Variants in CEP89 observed in about 807,000 individuals in gnomAD.
CEP89 encodes centrosomal protein of 89 kDa.
In CEP89, 95 loss-of-function variants were observed where a neutral mutation model predicts 97.6. The ratio of observed to expected loss-of-function variants is 0.97; its 90% confidence interval spans 0.82 to 1.15. CEP89 has a LOEUF of 1.15. CEP89 is among the 50% of genes most tolerant of loss of function. The pLI is 0.00. For synonymous variants in CEP89, 354 were observed against 349.1 expected, an observed-to-expected ratio of 1.01 and a Z score of -0.16; for missense variants, 869 against 947.7, an observed-to-expected ratio of 0.92 and a Z score of 1.09.
chr19:32,907,355 TCTTAAA>T (rs1969908695), intron 14 of CEP89, among the ~76,000 whole-genome samples: 1 of 152,160 alleles, frequency 6.6e-6, no homozygotes, highest in African/African-American at 2.4e-5. Flanking sequence ...TGAGATCATA[TCTTAAA>T]CTAAAAGAAG....
At chr19:32,951,958 C>T (rs1004154290) in intron 4 of CEP89, among the ~76,000 whole-genome samples, 2 of 152,034 alleles carry the variant, frequency 1.3e-5, no homozygotes, top group Admixed American at 6.6e-5. Context: ...AATAACCAGC[C>T]GGCAAGTGTG....
At chr19:32,902,048 G>GTGTGTGTGTGTGTGTGTGTGTGTA (rs1255251867) in intron 14 of CEP89, among the ~76,000 whole-genome samples, 11 of 150,028 alleles carry the variant, frequency 7.3e-5, no homozygotes, top group African/African-American at 2.5e-4. Context: ...GTGTGTGTAT[G>GTGTGTGTGTGTGTGTGTGTGTGTA]TGTGTGTATA....
intron 14 of CEP89, among the ~76,000 whole-genome samples, chr19:32,902,822 G>A (rs886865508): frequency 2.0e-5 from 3 of 152,150 alleles, no homozygotes; most frequent in South Asian, 2.1e-4. Context: ...AGGAAACTGC[G>A]TAAAGCCTAG....
chr19:32,881,931 G>GT lies in CEP89; in HGVS notation c.2047dup (p.Thr683AsnfsTer35). 1 of 1,602,710 alleles carries GT rather than the reference G, an allele frequency of 6.2e-7. No homozygotes were observed. Among genetic ancestry groups the GT allele is most frequent in the East Asian group, 2.2e-5 (1 of 44,602 alleles). On this transcript the variant is annotated frameshift_variant, in exon 18 of 19. Transcript: ENST00000305768. LOFTEE classifies it high-confidence loss of function. ...CCGCATCTCCTGCCGGTACTGGGCT[G>GT]TCTTGCCGGCGAAGTCCTCCTGCTG...
At chr19:32,925,169 T>C (rs1373379234) in intron 11 of CEP89, among the ~76,000 whole-genome samples, 1 of 151,920 alleles carries the variant, frequency 6.6e-6, no homozygotes, top group Non-Finnish European at 1.5e-5. Context: ...CCAACATTTC[T>C]TTCGCTGGAT....
intron 12 of CEP89, among the ~76,000 whole-genome samples, chr19:32,922,024 C>T (rs937373625): frequency 6.6e-6 from 1 of 152,106 alleles, no homozygotes; most frequent in African/African-American, 2.4e-5. Context: ...CTGGATATTG[C>T]TTTTAGGCTT....
chr19:32,919,483 G>A (rs1345095971), intron 12 of CEP89, among the ~76,000 whole-genome samples: 1 of 152,158 alleles, frequency 6.6e-6, no homozygotes, highest in Admixed American at 6.6e-5. Context: ...CTGTAACAAT[G>A]GTGTGGCCCC....
chr19:32,958,174 GA>G (rs35392256), intron 3 of CEP89, among the ~76,000 whole-genome samples: 2,520 of 138,924 alleles, frequency 0.018, 22 homozygotes, highest in Non-Finnish European at 0.026. Flanking sequence ...TGCTTACCAG[GA>G]AAAAAAAAAA....
chr19:32,953,757 G>A lies in CEP89; in HGVS notation c.350C>T (p.Ser117Phe). ...SEMGRRSSLP[S>F]FETLDYGDEE... is the part of the protein sequence containing the mutation. ...GTCCCCATAGTCCAGTGTTTCAAAG[G>A]ATGGCAAAGAAGATCTTCTTCCCAT... The change falls in exon 4 of 19, where the codon TCC becomes TTC. Residue 117 changes from serine to phenylalanine, a missense_variant. Coordinates refer to ENST00000305768, the MANE Select transcript of CEP89 (RefSeq NM_032816.5). 3 of 1,614,034 alleles carry A rather than the reference G, an allele frequency of 1.9e-6. No homozygotes were observed. The highest frequency in any genetic ancestry group is 2.5e-6 in the Non-Finnish European group (3 of 1,179,992).
At position 32,881,886 on chromosome 19, in the gene CEP89, T is replaced by C; in HGVS notation, c.2093A>G (p.Lys698Arg). ...CTGGTCCAGCACCTCCTGCTTGTCC[T>C]TCAGCACCTGGTGCAGGTGCCGCAT... ...QEMRHLHQVL[K>R]DKQEVLDQAL... is the part of the protein sequence containing the mutation. Residue 698 changes from lysine to arginine, a missense_variant, in exon 18 of 19, where the codon AAG (lysine) becomes AGG (arginine). Physicochemically the swap from Lys to Arg is conservative, Grantham distance 26. Coordinates refer to ENST00000305768, the MANE Select transcript of CEP89 (RefSeq NM_032816.5). 6.2e-7 allele frequency: 1 copy of C among 1,606,598 alleles called. No homozygotes were observed. Among genetic ancestry groups the C allele is most frequent in the Non-Finnish European group, 8.5e-7 (1 of 1,179,182 alleles).
chr19:32,950,424 G>A (rs534128035), intron 4 of CEP89, among the ~76,000 whole-genome samples: 185 of 152,196 alleles, frequency 1.2e-3, no homozygotes, highest in South Asian at 4.1e-3. Context: ...CAGGTGTGGT[G>A]GCACATGCCT....
At chr19:32,963,427 A>G (rs1238028858) in intron 2 of CEP89, 1 of 152,198 alleles carries the variant, frequency 6.6e-6, no homozygotes, top group Non-Finnish European at 1.5e-5. Flanking sequence ...CACGCTCATG[A>G]AATGTCCAAA....
At position 32,876,883 on chromosome 19, in the gene CEP89, A is replaced by G. The variant is rs1969186515; in HGVS notation, c.*2279T>C. 6.6e-6 allele frequency: 1 copy of G among 152,294 alleles called. No individual in the cohort carries two copies. Among genetic ancestry groups the G allele is most frequent in the Non-Finnish European group, 1.5e-5 (1 of 68,052 alleles). 9.4% of individuals were successfully genotyped at this position (152,294 alleles called of 1,614,324 possible). A position where few individuals can be genotyped will look rare whatever the true frequency, so the allele number is the denominator to read the frequency against. On this transcript the variant is annotated 3_prime_UTR_variant, in exon 19 of 19. Coordinates refer to ENST00000305768, the MANE Select transcript of CEP89 (RefSeq NM_032816.5). Reference sequence around the variant, plus strand: ...AAACTTAAAGCAGAAACATAAGAACAAAAGTGGACACTTCTCAAAAGAATA... The same window carrying G: ...AAACTTAAAGCAGAAACATAAGAACGAAAGTGGACACTTCTCAAAAGAATA...
intron 14 of CEP89, 34 bp from the exon 15 acceptor site, chr19:32,901,446 G>A (rs745357401): frequency 1.3e-6 from 2 of 1,591,504 alleles, no homozygotes; most frequent in South Asian, 2.3e-5. Flanking sequence ...CTCGTATCCA[G>A]CACAATGAAG....
At chr19:32,879,457 A>C in intron 18 of CEP89, 79 bp from the exon 19 acceptor site, 7 of 1,176,608 alleles carry the variant, frequency 5.9e-6, no homozygotes, top group Non-Finnish European at 8.7e-6. Flanking sequence ...GCAAGAACTC[A>C]AAACAGAAGA....
rs1969185136 is a variant in CEP89 at position 32,876,771 on chromosome 19, T to C, written c.*2391A>G. On this transcript the variant is annotated 3_prime_UTR_variant, in exon 19 of 19. Transcript: ENST00000305768. ...ACCCAGCAGGAGGCTGGGCAGAAGA[T>C]AGTGTCTGTGGGACACCTGCCCTTG... 1 of 152,296 alleles carries C rather than the reference T, an allele frequency of 6.6e-6. No individual in the cohort carries two copies. The highest frequency in any genetic ancestry group is 6.5e-5 in the Admixed American group (1 of 15,284). 9.4% of individuals were successfully genotyped at this position (152,296 alleles called of 1,614,324 possible). A position where few individuals can be genotyped will look rare whatever the true frequency, so the allele number is the denominator to read the frequency against.
chr19:32,914,575 T>C (rs1004057437), intron 14 of CEP89, among the ~76,000 whole-genome samples: 1 of 151,960 alleles, frequency 6.6e-6, no homozygotes, highest in African/African-American at 2.4e-5. Flanking sequence ...CCCAGCCCAG[T>C]TCCACTATTT....
At chr19:32,947,447 A>G (rs1209388591) in intron 5 of CEP89, among the ~76,000 whole-genome samples, 1 of 152,078 alleles carries the variant, frequency 6.6e-6, no homozygotes, top group Non-Finnish European at 1.5e-5. Flanking sequence ...AGCACCTTGT[A>G]CTTTAAAAAC....
At chr19:32,930,764 G>C (rs952768905) in intron 9 of CEP89, among the ~76,000 whole-genome samples, 1 of 152,194 alleles carries the variant, frequency 6.6e-6, no homozygotes. Flanking sequence ...CTCTGCAACT[G>C]TTCTTAGAAC....
Sources: allele counts gnomAD v4.1 joint callset (sites outside exome capture counted in the v4.1 genomes callset), GRCh38; gene constraint gnomAD v4.1.1; transcripts MANE v1.5; gene names NCBI Gene and HGNC (gene_info 2026-07-23, HGNC 2026-07-21).